The following LYRM4 variants were observed in gnomAD, a reference collection of about 807,000 sequenced individuals.
LYRM4 encodes the protein LYR motif-containing protein 4.
A neutral mutation model predicts 11.7 loss-of-function variants in LYRM4; 9 were observed. The ratio of observed to expected loss-of-function variants is 0.77; its 90% CI spans 0.46 to 1.34. The LOEUF (loss-of-function observed/expected upper bound fraction) is 1.34, where lower values mean the gene tolerates loss of function less well. LYRM4 is among the 40% of genes most tolerant of loss of function. The pLI is 0.00. For missense variants in LYRM4, 133 were observed against 112.5 expected (o/e 1.18, Z -0.82); for synonymous variants, 42 against 40.4 (o/e 1.04, Z -0.15).
chr6:5,123,388 T>C (rs976263173), intron 2 of LYRM4, among the ~76,000 whole-genome samples: 8 of 152,120 alleles, frequency 5.3e-5, no homozygotes, highest in Admixed American at 6.5e-5. Flanking sequence ...GAACAAGCAG[T>C]GCCCTGGTTA....
chr6:5,160,041 C>G (rs887598457), intron 2 of LYRM4, among the ~76,000 whole-genome samples: 5 of 152,130 alleles, frequency 3.3e-5, no homozygotes, highest in Non-Finnish European at 7.4e-5. Flanking sequence ...AGAAGCAGTT[C>G]GAGGACCACC....
chr6:5,226,926 G>A (rs1762928328), intron 1 of LYRM4, among the ~76,000 whole-genome samples: 1 of 152,104 alleles, frequency 6.6e-6, no homozygotes, highest in Non-Finnish European at 1.5e-5. Flanking sequence ...AGTAGAGAGG[G>A]CTGAAATTGT....
intron 2 of LYRM4, among the ~76,000 whole-genome samples, chr6:5,206,745 T>C (rs1581505196): frequency 6.6e-6 from 1 of 152,146 alleles, no homozygotes; most frequent in African/African-American, 2.4e-5. Context: ...ATGGAAATGT[T>C]TGGGGAAAAG....
the LYRM4 span, among the ~76,000 whole-genome samples, chr6:5,058,910 A>T: frequency 6.3e-4 from 96 of 152,322 alleles, no homozygotes; most frequent in African/African-American, 2.2e-3. Flanking sequence ...CTTTTAATTG[A>T]AAAAGTAATA....
At chr6:5,052,029 C>T in the LYRM4 span, among the ~76,000 whole-genome samples, 5 of 152,222 alleles carry the variant, frequency 3.3e-5, no homozygotes, top group South Asian at 1.0e-3. Flanking sequence ...TCCCATTAGG[C>T]CTCACTTCCC....
chr6:5,107,253 C>G (rs556437709), downstream of LYRM4: 3 of 152,352 alleles, frequency 2.0e-5, no homozygotes, highest in African/African-American at 7.2e-5. Context: ...GCCTGCAGCC[C>G]ACGTTAAGTT....
chr6:5,163,647 G>C (rs1428592275), intron 2 of LYRM4, among the ~76,000 whole-genome samples: 1 of 144,018 alleles, frequency 6.9e-6, no homozygotes, highest in Non-Finnish European at 1.5e-5. Flanking sequence ...TTGAGATAGA[G>C]TCTCACTATC....
intron 1 of LYRM4, among the ~76,000 whole-genome samples, chr6:5,239,802 C>A (rs996094974): frequency 4.0e-5 from 6 of 151,656 alleles, no homozygotes; most frequent in Non-Finnish European, 8.8e-5. Context: ...TGGTCTTTTC[C>A]CAAGGCTCTT....
chr6:5,074,397 C>CTTTTT, the LYRM4 span, among the ~76,000 whole-genome samples: 4 of 76,764 alleles, frequency 5.2e-5, no homozygotes, highest in Non-Finnish European at 9.8e-5. Flanking sequence ...AGCACAGGTA[C>CTTTTT]TTTTTTTTTT....
chr6:5,148,685 G>C (rs1204314670), intron 2 of LYRM4, among the ~76,000 whole-genome samples: 1 of 147,508 alleles, frequency 6.8e-6, no homozygotes, highest in East Asian at 2.0e-4. Flanking sequence ...CTCTCTCTCT[G>C]CTTATAGTGA....
chr6:5,066,922 C>G, the LYRM4 span: 1 of 1,131,688 alleles, frequency 8.8e-7, no homozygotes, highest in Non-Finnish European at 1.2e-6. Context: ...CAAAAGCGAC[C>G]AGCGCCCCCC....
At chr6:5,114,074 A>G (rs1156499520) in intron 2 of LYRM4, among the ~76,000 whole-genome samples, 1 of 152,206 alleles carries the variant, frequency 6.6e-6, no homozygotes, top group Admixed American at 6.5e-5. Context: ...AGCTGTCATC[A>G]TGGCTGGAGC....
chr6:5,211,138 A>G (rs1761968000), intron 2 of LYRM4, among the ~76,000 whole-genome samples: 1 of 152,182 alleles, frequency 6.6e-6, no homozygotes. Context: ...TTTTCCTGCA[A>G]AGGACCTCAA....
the LYRM4 span, among the ~76,000 whole-genome samples, chr6:5,048,290 GGTGTGT>G: frequency 0.029 from 4,008 of 140,036 alleles, 65 homozygotes; most frequent in East Asian, 0.081. Context: ...GACACTTTGT[GGTGTGT>G]GTGTGTGTGT....
intron 1 of LYRM4, among the ~76,000 whole-genome samples, chr6:5,231,522 G>C (rs780398924): frequency 2.0e-5 from 3 of 152,160 alleles, no homozygotes; most frequent in Non-Finnish European, 4.4e-5. Context: ...GCTGTATGTA[G>C]ATTTTTATGC....
chr6:5,230,918 T>G (rs73719759), intron 1 of LYRM4, among the ~76,000 whole-genome samples: 3,196 of 152,210 alleles, frequency 0.021, 99 homozygotes, highest in African/African-American at 0.072. Flanking sequence ...TCCCTCCCCC[T>G]TCCTAAAATG....
At position 5,218,373 on chromosome 6, in the gene LYRM4, G is replaced by C; in HGVS notation, c.87-1635C>G. On this transcript the variant is annotated intron_variant, in intron 1 of 2. Transcript: ENST00000330636. ...TCCTTGGGAGCAGCGCGGAGGGGGTGTTGGGAGCTCATATAACTTATTGGG... is the reference window on the plus strand; with the variant it reads ...TCCTTGGGAGCAGCGCGGAGGGGGTCTTGGGAGCTCATATAACTTATTGGG... The C allele has an allele frequency of 4.1e-6, 4 of 985,042 alleles. No individual in the cohort carries two copies. In the South Asian group the frequency reaches 1.9e-4, roughly 46 times the overall value. The allele number at this position is 985,042 out of a possible 1,614,324, so 61.0% of individuals were successfully genotyped here.
chr6:5,112,659 A>AC (rs1762936328), intron 2 of LYRM4, among the ~76,000 whole-genome samples: 2 of 152,224 alleles, frequency 1.3e-5, no homozygotes, highest in African/African-American at 4.8e-5. Flanking sequence ...GGGAAAACTG[A>AC]CAAGAACTGA....
intron 2 of LYRM4, among the ~76,000 whole-genome samples, chr6:5,164,883 G>A (rs528777575): frequency 6.7e-5 from 10 of 148,906 alleles, no homozygotes; most frequent in Non-Finnish European, 1.3e-4. Flanking sequence ...CAGGAGAATC[G>A]CTTGAACCTG....
Sources: gnomAD v4.1 joint callset for allele counts (sites outside exome capture counted in the v4.1 genomes callset) on GRCh38, gnomAD v4.1.1 for gene constraint, MANE v1.5 for transcripts, NCBI Gene and HGNC (gene_info 2026-07-23, HGNC 2026-07-21) for gene names.